CNTNAP3: variants seen among roughly 807,000 people sequenced by gnomAD.
CNTNAP3 encodes contactin-associated protein-like 3.
In CNTNAP3, 36 loss-of-function variants were observed where a neutral mutation model predicts 92.1. The ratio of observed to expected loss-of-function variants is 0.39; its 90% CI spans 0.30 to 0.52. CNTNAP3 has a LOEUF of 0.52. CNTNAP3 is among the 20% of genes least tolerant of loss of function. The pLI is 0.76. For synonymous variants in CNTNAP3, 232 were observed against 422.3 expected (o/e 0.55, Z 5.53); for missense variants, 534 against 1,069.6 (o/e 0.50, Z 6.98).
At position 39,070,568 on chromosome 9, in the gene CNTNAP3, G is replaced by T. The variant is rs1825615235; in HGVS notation, c.*3322C>A. On this transcript the variant is annotated 3_prime_UTR_variant, in exon 24 of 24. Coordinates refer to ENST00000297668, the MANE Select transcript of CNTNAP3 (RefSeq NM_033655.5). ...GGGGCAGAGGTGGGGATAGGTTAAT[G>T]GGTACAAAAAAAGTAGAAAGAATGA... Among the ~76,000 whole-genome samples, 1 of 150,382 alleles carries T rather than the reference G, an allele frequency of 6.6e-6. No homozygotes were observed. Among genetic ancestry groups the T allele is most frequent in the Admixed American group, 6.6e-5 (1 of 15,074 alleles).
At position 39,070,379 on chromosome 9, in the gene CNTNAP3, A is replaced by G. The variant is rs889813856; in HGVS notation, c.*3511T>C. 1.5e-5 allele frequency among the ~76,000 whole-genome samples: 2 copies of G among 133,928 alleles called. No individual in the cohort carries two copies. The highest frequency in any genetic ancestry group is 3.1e-5 in the Non-Finnish European group (2 of 64,182). 87.9% of individuals were successfully genotyped at this position (133,928 alleles called of 152,430 possible). A position where few individuals can be genotyped will look rare whatever the true frequency, so the allele number is the denominator to read the frequency against. The stretch of plus-strand genomic sequence containing the variant: ...CTTGCGACAGCATGGATGGAACTGG[A>G]GGTCATTATGTTAAGTGAAATAGGC... On this transcript the variant is annotated 3_prime_UTR_variant, in exon 24 of 24. Transcript: ENST00000297668.
chr9:39,093,575 T>C (rs992326603), intron 18 of CNTNAP3, among the ~76,000 whole-genome samples: 12 of 151,418 alleles, frequency 7.9e-5, no homozygotes, highest in African/African-American at 1.2e-4. Flanking sequence ...ACTTTGTCTC[T>C]ACAAATTTGT....
chr9:39,104,053 C>T, intron 15 of CNTNAP3, 139 bp from the exon 16 acceptor site: 1 of 1,404,894 alleles, frequency 7.1e-7, no homozygotes, highest in South Asian at 1.5e-5. Context: ...TTCTGAGCAT[C>T]CATGTCATAT....
chr9:39,078,937 A>G lies in CNTNAP3; in HGVS notation c.3443-17T>C. Reference sequence around the variant, plus strand: ...CGGCAGCCTCTGAGGACAGAAGGGGAACACACAGTTAGGGCGCAGCGGCGG... The same window carrying G: ...CGGCAGCCTCTGAGGACAGAAGGGGGACACACAGTTAGGGCGCAGCGGCGG... On this transcript the variant is annotated splice_polypyrimidine_tract_variant and intron_variant, in intron 21 of 23. Transcript: ENST00000297668. The G allele has an allele frequency of 6.5e-7, 1 of 1,533,066 alleles. No homozygotes were observed. The highest frequency in any genetic ancestry group is 8.7e-7 in the Non-Finnish European group (1 of 1,146,360). The allele number at this position is 1,533,066 out of a possible 1,614,324, so 95.0% of individuals were successfully genotyped here. A position where few individuals can be genotyped will look rare whatever the true frequency, so the allele number is the denominator to read the frequency against.
At chr9:39,119,040 A>G (rs1166685878) in intron 13 of CNTNAP3, among the ~76,000 whole-genome samples, 1 of 152,154 alleles carries the variant, frequency 6.6e-6, no homozygotes. Flanking sequence ...ATCACAGTAA[A>G]GTTAGGATAA....
chr9:39,078,995 A>T, intron 21 of CNTNAP3, 75 bp from the exon 22 acceptor site: 1 of 1,474,556 alleles, frequency 6.8e-7, no homozygotes, highest in Non-Finnish European at 9.1e-7. Flanking sequence ...CGCATCTGCA[A>T]GACAGCGACC....
chr9:39,112,768 A>G (rs1026148054), intron 14 of CNTNAP3, among the ~76,000 whole-genome samples: 2 of 152,204 alleles, frequency 1.3e-5, no homozygotes, highest in African/African-American at 4.8e-5. Context: ...TTTCTGTTTA[A>G]TTGCCTATCT....
intron 10 of CNTNAP3, among the ~76,000 whole-genome samples, chr9:39,146,427 C>T (rs1220761065): frequency 1.3e-5 from 2 of 152,184 alleles, no homozygotes; most frequent in African/African-American, 2.4e-5. Flanking sequence ...TGGTGGCTCA[C>T]GCCTGTAATC....
intron 20 of CNTNAP3, 147 bp from the exon 21 acceptor site, chr9:39,085,970 A>C: frequency 1.3e-6 from 1 of 787,512 alleles, no homozygotes; most frequent in Non-Finnish European, 2.1e-6. Flanking sequence ...TCAAATAATT[A>C]ATCATTTAGA....
chr9:39,095,022 T>C (rs1009572287), intron 18 of CNTNAP3, among the ~76,000 whole-genome samples: 5 of 147,758 alleles, frequency 3.4e-5, no homozygotes, highest in Non-Finnish European at 7.5e-5. Flanking sequence ...AACAACGTTT[T>C]ATAGTTTTCA....
chr9:39,071,252 G>A lies in CNTNAP3; in HGVS notation c.*2638C>T, dbSNP rs981774372. Reference sequence around the variant, plus strand: ...GACAGAGTAATAGAGACACGGGGTAGAATATGTCACGTATCAGTAGTAACT... The same window carrying A: ...GACAGAGTAATAGAGACACGGGGTAAAATATGTCACGTATCAGTAGTAACT... On this transcript the variant is annotated 3_prime_UTR_variant, in exon 24 of 24. Transcript: ENST00000297668. 1.7e-4 allele frequency among the ~76,000 whole-genome samples: 26 copies of A among 151,020 alleles called. No homozygotes were observed. Among genetic ancestry groups the A allele is most frequent in the African/African-American group, 5.9e-4 (24 of 40,594 alleles).
At chr9:39,081,832 A>C (rs1825944987) in intron 21 of CNTNAP3, among the ~76,000 whole-genome samples, 2 of 150,914 alleles carry the variant, frequency 1.3e-5, no homozygotes, top group Admixed American at 1.3e-4. Flanking sequence ...TAATCCCAGC[A>C]CTTTGGGAGG....
At chr9:39,079,608 G>T (rs1825881644) in intron 21 of CNTNAP3, among the ~76,000 whole-genome samples, 1 of 151,056 alleles carries the variant, frequency 6.6e-6, no homozygotes, top group South Asian at 2.1e-4. Flanking sequence ...TAGTCCATTT[G>T]TCTTTAGAGT....
chr9:39,122,987 G>A (rs1405020867), intron 13 of CNTNAP3, among the ~76,000 whole-genome samples: 2 of 151,676 alleles, frequency 1.3e-5, no homozygotes, highest in East Asian at 1.9e-4. Flanking sequence ...AAGTGCTGAG[G>A]AAAGAATCAG....
At chr9:39,148,896 G>C (rs929552509) in intron 10 of CNTNAP3, among the ~76,000 whole-genome samples, 3 of 152,090 alleles carry the variant, frequency 2.0e-5, no homozygotes, top group African/African-American at 7.2e-5. Flanking sequence ...AAATGTACTA[G>C]GGCAAACTGT....
chr9:39,153,938 C>A (rs538168078), intron 9 of CNTNAP3: 1 of 189,252 alleles, frequency 5.3e-6, no homozygotes, highest in East Asian at 1.6e-4. Flanking sequence ...CTCAAGGTTT[C>A]TTTGGTGCAA....
chr9:39,075,565 C>G (rs942592027), intron 23 of CNTNAP3, among the ~76,000 whole-genome samples: 1 of 152,300 alleles, frequency 6.6e-6, no homozygotes, highest in African/African-American at 2.4e-5. Context: ...ATCCTCCCCT[C>G]TTTTCATCTA....
rs1362604501 is a variant in CNTNAP3, at chr9:39,065,317, A to G, written c.*8573T>C. 3.1e-4 allele frequency among the ~76,000 whole-genome samples: 47 copies of G among 152,214 alleles called. No individual in the cohort carries two copies. The highest frequency in any genetic ancestry group is 5.0e-4 in the Non-Finnish European group (34 of 68,002). On this transcript the variant is annotated 3_prime_UTR_variant, in exon 24 of 24. Transcript: ENST00000297668. The stretch of plus-strand genomic sequence containing the variant: ...GTTGCAGTTACCAGTAGTTTTGTCC[A>G]TTTTATAGCTGAAGAGTATTTCATT...
In CNTNAP3 at chr9:39,070,809, C is replaced by T. The variant is rs916244551; in HGVS notation, c.*3081G>A. Among the ~76,000 whole-genome samples the T allele has an allele frequency of 6.6e-6, 1 of 152,288 alleles. No individual in the cohort carries two copies. The highest frequency in any genetic ancestry group is 1.5e-5 in the Non-Finnish European group (1 of 68,038). ...CATAAATATATACACCTAGTATGTA[C>T]ACAAAAATTAAAAAATAAAAAAGAT... is the stretch of plus-strand genomic sequence containing the variant. On this transcript the variant is annotated 3_prime_UTR_variant, in exon 24 of 24. Coordinates refer to ENST00000297668, the MANE Select transcript of CNTNAP3 (RefSeq NM_033655.5).
Sources: allele counts gnomAD v4.1 joint callset (sites outside exome capture counted in the v4.1 genomes callset), GRCh38; gene constraint gnomAD v4.1.1; transcripts MANE v1.5; gene names NCBI Gene and HGNC (gene_info 2026-07-23, HGNC 2026-07-21).